PDE4B: variants seen among roughly 807,000 people sequenced by gnomAD.
PDE4B encodes the protein 3',5'-cyclic-AMP phosphodiesterase 4B.
PDE4B carries 20 observed loss-of-function variants against 82.2 expected under a neutral mutation model. That is an observed-to-expected ratio of 0.24 (90% CI 0.17 to 0.35). PDE4B has a LOEUF of 0.35. Ranked by LOEUF, PDE4B falls within the 10% of genes least tolerant of loss-of-function variation. PDE4B has a pLI of 1.00. For synonymous variants in PDE4B, 320 were observed against 318.9 expected (o/e 1.00, Z -0.04); for missense variants, 655 against 907.2 (o/e 0.72, Z 3.57).
chr1:65,936,275 C>CT (rs1648132269), intron 3 of PDE4B, among the ~76,000 whole-genome samples: 2 of 151,852 alleles, frequency 1.3e-5, no homozygotes, highest in South Asian at 2.1e-4. Flanking sequence ...TTACAGTTAA[C>CT]TTTTTTTTAA....
chr1:66,360,115 T>C (rs1188814063), intron 9 of PDE4B, among the ~76,000 whole-genome samples: 1 of 152,130 alleles, frequency 6.6e-6, no homozygotes, highest in African/African-American at 2.4e-5. Context: ...CAGAAAAATC[T>C]GTATTTTTCT....
intron 1 of PDE4B, among the ~76,000 whole-genome samples, chr1:65,894,178 T>A (rs1646883198): frequency 6.6e-6 from 1 of 151,992 alleles, no homozygotes; most frequent in Non-Finnish European, 1.5e-5. Flanking sequence ...AGTTAGAGGA[T>A]TTACACTAAG....
chr1:66,092,117 A>G (rs939279157), intron 3 of PDE4B, among the ~76,000 whole-genome samples: 41 of 152,182 alleles, frequency 2.7e-4, no homozygotes, highest in Middle Eastern at 3.4e-3. Flanking sequence ...AGTGGAAATC[A>G]GAATTTAATA....
intron 3 of PDE4B, among the ~76,000 whole-genome samples, chr1:65,996,267 T>A (rs1176707925): frequency 6.6e-6 from 1 of 152,088 alleles, no homozygotes; most frequent in Non-Finnish European, 1.5e-5. Flanking sequence ...TCACTTAGTA[T>A]ACAATCTTAC....
intron 7 of PDE4B, among the ~76,000 whole-genome samples, chr1:66,300,235 A>C (rs985264486): frequency 6.6e-6 from 1 of 152,128 alleles, no homozygotes; most frequent in Non-Finnish European, 1.5e-5. Context: ...CCCCTTTAAG[A>C]CTTCCTGAGA....
At chr1:66,133,198 C>T (rs1645987369) in intron 3 of PDE4B, among the ~76,000 whole-genome samples, 1 of 152,060 alleles carries the variant, frequency 6.6e-6, no homozygotes, top group Non-Finnish European at 1.5e-5. Flanking sequence ...GTGAGTGATT[C>T]TCTTTGTACA....
chr1:66,036,064 G>A (rs1369246759), intron 3 of PDE4B, among the ~76,000 whole-genome samples: 8 of 152,112 alleles, frequency 5.3e-5, no homozygotes, highest in Non-Finnish European at 8.8e-5. Context: ...TGTCATTGTG[G>A]TTTTAATTTG....
intron 3 of PDE4B, among the ~76,000 whole-genome samples, chr1:66,073,015 CTT>C (rs35522900): frequency 3.3e-4 from 49 of 146,922 alleles, no homozygotes; most frequent in African/African-American, 2.7e-4. Flanking sequence ...GCCTTTAGCC[CTT>C]TTTTTTTTTT....
intron 7 of PDE4B, among the ~76,000 whole-genome samples, chr1:66,280,127 G>A (rs1219490268): frequency 1.3e-5 from 2 of 152,302 alleles, no homozygotes; most frequent in Non-Finnish European, 2.9e-5. Context: ...AAAAATTTTT[G>A]TATTATTTCT....
intron 3 of PDE4B, among the ~76,000 whole-genome samples, chr1:66,198,809 G>GTCCATGTGT (rs1226931759): frequency 2.0e-5 from 3 of 147,316 alleles, no homozygotes; most frequent in African/African-American, 7.6e-5. Context: ...CCCTTCCTGT[G>GTCCATGTGT]TCCATGTGTT....
intron 3 of PDE4B, among the ~76,000 whole-genome samples, chr1:66,166,335 A>G (rs1040141177): frequency 2.2e-4 from 33 of 152,240 alleles, no homozygotes; most frequent in Admixed American, 1.7e-3. Context: ...GGGTTAGTCA[A>G]TGGTTTCTTA....
At chr1:66,170,047 T>A (rs1026709361) in intron 3 of PDE4B, among the ~76,000 whole-genome samples, 3 of 151,884 alleles carry the variant, frequency 2.0e-5, no homozygotes, top group African/African-American at 7.3e-5. Flanking sequence ...GGACAAAGAG[T>A]TAAGTAATAA....
chr1:66,136,570 C>T (rs867800362), intron 3 of PDE4B, among the ~76,000 whole-genome samples: 5 of 151,572 alleles, frequency 3.3e-5, no homozygotes, highest in Admixed American at 1.3e-4. Flanking sequence ...ATTAGATGGG[C>T]GTGGTGGCAG....
intron 7 of PDE4B, among the ~76,000 whole-genome samples, chr1:66,289,023 G>A (rs1656880952): frequency 6.6e-6 from 1 of 152,180 alleles, no homozygotes; most frequent in Non-Finnish European, 1.5e-5. Context: ...ATTCTACTAT[G>A]TGCCAGACAT....
At chr1:65,977,380 A>C (rs1030979623) in intron 3 of PDE4B, among the ~76,000 whole-genome samples, 1 of 152,228 alleles carries the variant, frequency 6.6e-6, no homozygotes, top group African/African-American at 2.4e-5. Context: ...AATGAAAAGA[A>C]CATAGACTTA....
chr1:65,961,694 A>G (rs575258662), intron 3 of PDE4B, among the ~76,000 whole-genome samples: 23 of 152,318 alleles, frequency 1.5e-4, no homozygotes, highest in African/African-American at 5.5e-4. Flanking sequence ...ATGGGAAGAC[A>G]GATGAGTGAA....
intron 3 of PDE4B, among the ~76,000 whole-genome samples, chr1:66,079,993 C>T (rs1313488118): frequency 6.6e-6 from 1 of 152,050 alleles, no homozygotes; most frequent in Non-Finnish European, 1.5e-5. Context: ...CAAATTTGAG[C>T]AATTATTTCA....
At chr1:65,900,774 T>C (rs1438701828) in intron 1 of PDE4B, among the ~76,000 whole-genome samples, 1 of 152,132 alleles carries the variant, frequency 6.6e-6, no homozygotes, top group East Asian at 1.9e-4. Context: ...TATTGGTGTA[T>C]AGAAATGCTA....
intron 8 of PDE4B, among the ~76,000 whole-genome samples, chr1:66,340,420 T>C (rs1660888353): frequency 6.6e-6 from 1 of 152,236 alleles, no homozygotes; most frequent in Non-Finnish European, 1.5e-5. Flanking sequence ...CTATAAATCT[T>C]GCCATTCTGT....
Sources: gnomAD v4.1 joint callset for allele counts (sites outside exome capture counted in the v4.1 genomes callset) on GRCh38, gnomAD v4.1.1 for gene constraint, MANE v1.5 for transcripts, NCBI Gene and HGNC (gene_info 2026-07-23, HGNC 2026-07-21) for gene names.